The following SCN8A variants were observed in gnomAD, a reference collection of about 807,000 sequenced individuals.
The protein encoded by SCN8A is sodium channel protein type 8 subunit alpha.
SCN8A carries 30 observed loss-of-function variants against 184.1 expected under a neutral mutation model. The ratio of observed to expected loss-of-function variants is 0.16; its 90% CI spans 0.12 to 0.22. SCN8A has a LOEUF of 0.22. Ranked by LOEUF, SCN8A falls within the 10% of genes least tolerant of loss-of-function variation. The pLI, the probability that SCN8A is intolerant of heterozygous loss-of-function variation, is 1.00. For missense variants in SCN8A, 1,057 were observed against 2,498.9 expected (o/e 0.42, Z 12.30); for synonymous variants, 852 against 907.0 (o/e 0.94, Z 1.09).
intron 1 of SCN8A, among the ~76,000 whole-genome samples, chr12:51,640,212 G>GTTTTT (rs57362371): frequency 8.6e-5 from 3 of 34,776 alleles, no homozygotes; most frequent in African/African-American, 2.4e-4. Context: ...TGCCTGGCCT[G>GTTTTT]TTTTTTTTTT....
chr12:51,751,558 C>T lies in SCN8A; in HGVS notation c.2335C>T (p.Pro779Ser). The change falls in exon 14 of 27, where the codon CCA becomes TCA. Residue 779 changes from proline to serine, a missense_variant. By Grantham distance (74) the Pro-to-Ser change is moderately conservative. Coordinates refer to ENST00000627620, the MANE Select transcript of SCN8A (RefSeq NM_001330260.2). ...FMAMEHHPMT[P>S]QFEHVLAVGN... ...GGCAATGGAGCACCATCCTATGACA[C>T]CACAATTTGAACATGTCTTGGCTGT... The T allele has an allele frequency of 6.2e-7, 1 of 1,613,700 alleles. No individual in the cohort carries two copies. The highest frequency in any genetic ancestry group is 1.1e-5 in the South Asian group (1 of 91,048).
intron 11 of SCN8A, 92 bp from the exon 12 acceptor site, chr12:51,721,454 C>T (rs1437947947): frequency 1.5e-5 from 20 of 1,360,192 alleles, no homozygotes; most frequent in South Asian, 4.6e-5. Context: ...AGGGTGGGGC[C>T]GGCTGGGAAC....
At chr12:51,721,121 GTTA>G (rs1942051950) in intron 11 of SCN8A, among the ~76,000 whole-genome samples, 1 of 102,532 alleles carries the variant, frequency 9.8e-6, no homozygotes, top group South Asian at 2.7e-4. Flanking sequence ...TTTATTTATT[GTTA>G]TATATATAAT....
rs1304023886 is a variant in SCN8A at position 51,614,734 on chromosome 12, A to G, written c.-55+23375A>G. Among the ~76,000 whole-genome samples the G allele has an allele frequency of 6.6e-5, 10 of 150,540 alleles. No individual in the cohort carries two copies. In the East Asian group the frequency reaches 1.9e-3, roughly 29 times the overall value. ...GCATTTAACATTCTATTTTTAACTT[A>G]CATTTATCGTATTTAATGTGGGTTT... On this transcript the variant is annotated intron_variant, in intron 1 of 26. Coordinates refer to ENST00000627620, the MANE Select transcript of SCN8A (RefSeq NM_001330260.2).
intron 26 of SCN8A, among the ~76,000 whole-genome samples, chr12:51,805,834 CT>C (rs33939467): frequency 7.3e-5 from 11 of 150,354 alleles, no homozygotes; most frequent in South Asian, 2.1e-4. Context: ...TAAAATGTTA[CT>C]TTTTTTTTTT....
chr12:51,616,919 A>C (rs1939852843), intron 1 of SCN8A, among the ~76,000 whole-genome samples: 1 of 140,826 alleles, frequency 7.1e-6, no homozygotes, highest in Non-Finnish European at 1.6e-5. Context: ...ACCCTGTCTC[A>C]AAAAAAAAAA....
intron 19 of SCN8A, among the ~76,000 whole-genome samples, chr12:51,773,415 T>C (rs1942959895): frequency 6.6e-6 from 1 of 152,226 alleles, no homozygotes; most frequent in African/African-American, 2.4e-5. Flanking sequence ...TAAGATTTTC[T>C]TCACCTGAGT....
At chr12:51,754,314 A>C (rs1207276931) in intron 14 of SCN8A, among the ~76,000 whole-genome samples, 1 of 108,464 alleles carries the variant, frequency 9.2e-6, no homozygotes, top group Non-Finnish European at 2.0e-5. Flanking sequence ...AGTACAGTAC[A>C]AAAAACTTCT....
chr12:51,774,395 C>A (rs370340613), intron 20 of SCN8A, 33 bp downstream of exon 20: 16 of 1,562,040 alleles, frequency 1.0e-5, no homozygotes, highest in Non-Finnish European at 1.3e-5. Flanking sequence ...CCCACCCCTT[C>A]CAGCAGGAAC....
At chr12:51,629,989 G>A (rs971860305) in intron 1 of SCN8A, among the ~76,000 whole-genome samples, 1 of 151,998 alleles carries the variant, frequency 6.6e-6, no homozygotes, top group Non-Finnish European at 1.5e-5. Flanking sequence ...GGAGTGCCGG[G>A]GAAATTATAA....
At position 51,751,346 on chromosome 12, in the gene SCN8A, T is replaced by C. The variant is rs1436493507; in HGVS notation, c.2132-9T>C. 1 of 1,598,664 alleles carries C rather than the reference T, an allele frequency of 6.3e-7. No homozygotes were observed. The highest frequency in any genetic ancestry group is 1.7e-5 in the Admixed American group (1 of 59,702). ...ATTGAGGGGCCATCTTTGTTCTTACTTACTGTAGAACTGGAAGAGTCTCAG... is the reference window on the plus strand; with the variant it reads ...ATTGAGGGGCCATCTTTGTTCTTACCTACTGTAGAACTGGAAGAGTCTCAG... On this transcript the variant is annotated splice_polypyrimidine_tract_variant and intron_variant, in intron 13 of 26. Transcript: ENST00000627620.
intron 2 of SCN8A, among the ~76,000 whole-genome samples, chr12:51,664,881 C>G (rs113696097): frequency 2.6e-4 from 39 of 152,068 alleles, no homozygotes; most frequent in African/African-American, 8.9e-4. Flanking sequence ...TCTCCCTCCC[C>G]CCATTCCCTA....
At chr12:51,644,692 G>A (rs1007114766) in intron 1 of SCN8A, among the ~76,000 whole-genome samples, 10 of 152,014 alleles carry the variant, frequency 6.6e-5, no homozygotes, top group African/African-American at 1.7e-4. Context: ...CCGCCTGGCC[G>A]CCCATCGTCT....
chr12:51,684,201 ACT>A lies in SCN8A; in HGVS notation c.309_310del (p.Phe104GlnfsTer3). On this transcript the variant is annotated frameshift_variant, in exon 3 of 27. Coordinates refer to ENST00000627620, the MANE Select transcript of SCN8A (RefSeq NM_001330260.2). LOFTEE classifies it high-confidence loss of function. ...KTFVVLNRGK[T>X]LFRFSATPAL... ...CTTTGTAGTATTAAACAGAGGGAAAACTCTCTTCAGATTTAGTGCCACGCCTG... is the reference window on the plus strand; with the variant it reads ...CTTTGTAGTATTAAACAGAGGGAAAACTCTTCAGATTTAGTGCCACGCCTG... 6.3e-7 allele frequency: 1 copy of A among 1,598,600 alleles called. No homozygotes were observed. The highest frequency in any genetic ancestry group is 8.6e-7 in the Non-Finnish European group (1 of 1,166,008).
intron 20 of SCN8A, among the ~76,000 whole-genome samples, chr12:51,779,884 G>A (rs1937840027): frequency 6.6e-6 from 1 of 152,180 alleles, no homozygotes; most frequent in South Asian, 2.1e-4. Flanking sequence ...CCATGGAGGG[G>A]TCCTGGTTGT....
At chr12:51,790,293 A>G in intron 24 of SCN8A, 105 bp from the exon 25 acceptor site, 1 of 689,466 alleles carries the variant, frequency 1.5e-6, no homozygotes, top group Non-Finnish European at 2.4e-6. Context: ...GCTACAAAGG[A>G]AAGGGATAGG....
chr12:51,684,170 A>G lies in SCN8A; in HGVS notation c.277-4A>G, dbSNP rs1180694787. ...ATAATTTCTCTCTCTTTCTTTCTCC[A>G]CAGACCTTTGTAGTATTAAACAGAG... On this transcript the variant is annotated splice_region_variant and splice_polypyrimidine_tract_variant and intron_variant, in intron 2 of 26. Coordinates refer to ENST00000627620, the MANE Select transcript of SCN8A (RefSeq NM_001330260.2). 7.1e-7 allele frequency: 1 copy of G among 1,409,190 alleles called. No individual in the cohort carries two copies. Among genetic ancestry groups the G allele is most frequent in the Admixed American group, 1.7e-5 (1 of 59,744 alleles). The allele number at this position is 1,409,190 out of a possible 1,614,324, so 87.3% of individuals were successfully genotyped here.
intron 2 of SCN8A, among the ~76,000 whole-genome samples, chr12:51,681,189 A>G (rs577757150): frequency 2.0e-5 from 3 of 152,116 alleles, no homozygotes; most frequent in Non-Finnish European, 2.9e-5. Flanking sequence ...TTTCTCATTC[A>G]CCAGAGAATT....
intron 14 of SCN8A, among the ~76,000 whole-genome samples, chr12:51,753,054 T>C (rs1409690456): frequency 6.6e-6 from 1 of 152,212 alleles, no homozygotes; most frequent in African/African-American, 2.4e-5. Context: ...CAAATAATGT[T>C]ATTTTTCCTT....
Sources: gnomAD v4.1 joint callset for allele counts (sites outside exome capture counted in the v4.1 genomes callset) on GRCh38, gnomAD v4.1.1 for gene constraint, MANE v1.5 for transcripts, NCBI Gene and HGNC (gene_info 2026-07-23, HGNC 2026-07-21) for gene names.